Variants in C16orf96 observed in about 807,000 individuals in gnomAD.
C16orf96 encodes chromosome 16 open reading frame 96, also known as uncharacterized protein C16orf96.
A neutral mutation model predicts 103.6 loss-of-function variants in C16orf96; 108 were observed. That is an observed-to-expected ratio of 1.04 (90% CI 0.89 to 1.22). The LOEUF is 1.22. C16orf96 is among the 50% of genes most tolerant of loss of function. The probability of loss-of-function intolerance (pLI) is 0.00; values close to 1 mark genes in which losing one functional copy is unlikely to be tolerated. For synonymous variants in C16orf96, 566 were observed against 593.5 expected, an observed-to-expected ratio of 0.95 and a Z score of 0.67; for missense variants, 1,586 against 1,464.2, an observed-to-expected ratio of 1.08 and a Z score of -1.36.
At chr16:4,587,235 A>AAAGGG in intron 8 of C16orf96, 122 bp downstream of exon 8, 1 of 978,788 alleles carries the variant, frequency 1.0e-6, no homozygotes, top group Non-Finnish European at 1.5e-6. Context: ...TATTGAAACC[A>AAAGGG]GGAGTTGGCT....
intron 14 of C16orf96, among the ~76,000 whole-genome samples, chr16:4,597,174 C>T (rs1194630038): frequency 6.6e-6 from 1 of 152,164 alleles, no homozygotes; most frequent in Non-Finnish European, 1.5e-5. Context: ...GGCTTCTCCT[C>T]GAGAGGACTG....
chr16:4,574,802 AT>A lies in C16orf96; in HGVS notation c.606+14del, dbSNP rs2059480156. On this transcript the variant is annotated intron_variant, in intron 3 of 15. Coordinates refer to ENST00000444310, the MANE Select transcript of C16orf96 (RefSeq NM_001145011.2). ...GCAGCGGGAAGTGGTGAGGGCCACC[AT>A]CCCTGTCTTCCCCCACTCCCCCTGG... 9 of 1,550,884 alleles carry A rather than the reference AT, an allele frequency of 5.8e-6. No homozygotes were observed. The highest frequency in any genetic ancestry group is 7.8e-6 in the Non-Finnish European group (9 of 1,146,644).
chr16:4,584,957 C>T (rs1896885938), intron 7 of C16orf96, among the ~76,000 whole-genome samples: 1 of 152,156 alleles, frequency 6.6e-6, no homozygotes, highest in Non-Finnish European at 1.5e-5. Flanking sequence ...AGGCATTAGC[C>T]ACTGCGCCCA....
intron 14 of C16orf96, among the ~76,000 whole-genome samples, chr16:4,597,293 A>G (rs1897193452): frequency 6.6e-6 from 1 of 152,116 alleles, no homozygotes; most frequent in African/African-American, 2.4e-5. Flanking sequence ...ATGAACCCCG[A>G]CTTCGTGCCA....
intron 2 of C16orf96, among the ~76,000 whole-genome samples, chr16:4,573,235 C>T (rs1404774419): frequency 2.6e-5 from 4 of 151,724 alleles, no homozygotes; most frequent in Admixed American, 1.3e-4. Flanking sequence ...GTCAGGAGTT[C>T]GAGACCAGCC....
rs1361810252 is a variant in C16orf96 at position 4,576,285 on chromosome 16, C to T, written c.1805C>T (p.Thr602Ile). 100 of 1,550,652 alleles carry T rather than the reference C, an allele frequency of 6.4e-5. No homozygotes were observed. Among genetic ancestry groups the T allele is most frequent in the Non-Finnish European group, 4.6e-5 (53 of 1,147,006 alleles). ...AAKFVKDAPA[T>I]KMAAIATDTA... ...AAGTTTGTCAAGGATGCCCCAGCCACCAAAATGGCCGCCATTGCAACAGAC... is the reference window on the plus strand; with the variant it reads ...AAGTTTGTCAAGGATGCCCCAGCCATCAAAATGGCCGCCATTGCAACAGAC... Residue 602 changes from threonine (T) to isoleucine (I), a missense_variant, in exon 5 of 16, where the codon ACC becomes ATC. By Grantham distance (89) the Thr-to-Ile change is moderately conservative (BLOSUM62 -1). Transcript: ENST00000444310.
chr16:4,581,281 G>A (rs1175847214), intron 7 of C16orf96, among the ~76,000 whole-genome samples: 1 of 149,480 alleles, frequency 6.7e-6, no homozygotes, highest in Non-Finnish European at 1.5e-5. Flanking sequence ...GTTGCACTGA[G>A]CTGAGATTGC....
In C16orf96 at chr16:4,580,007, C is replaced by T; in HGVS notation, c.2242-8C>T. On this transcript the variant is annotated splice_region_variant and splice_polypyrimidine_tract_variant and intron_variant, in intron 6 of 15. Transcript: ENST00000444310. ...GAGGCCTGGGGTGTCTGTGTCTCCC[C>T]CTTTTAGGAGGAAGAACTTGAGAGA... 1.9e-6 allele frequency: 3 copies of T among 1,550,202 alleles called. No individual in the cohort carries two copies. The South Asian group carries it at 3.6e-5, about 18-fold the overall frequency.
chr16:4,579,109 C>T, intron 6 of C16orf96, 84 bp downstream of exon 6: 2 of 1,238,348 alleles, frequency 1.6e-6, no homozygotes, highest in Non-Finnish European at 1.2e-6. Flanking sequence ...GCCCCCCTCC[C>T]AGGTGCAGCT....
chr16:4,546,450 G>A, the C16orf96 span, among the ~76,000 whole-genome samples: 2 of 134,930 alleles, frequency 1.5e-5, no homozygotes, highest in Admixed American at 7.8e-5. Context: ...GAGCCACCGC[G>A]CCCGGACTTT....
At chr16:4,592,515 C>T (rs1228951155) in intron 11 of C16orf96, 148 bp downstream of exon 11, 21 of 915,758 alleles carry the variant, frequency 2.3e-5, no homozygotes, top group Non-Finnish European at 3.2e-5. Flanking sequence ...CAAGTCCATA[C>T]ACGCCCACAT....
chr16:4,592,556 C>T (rs551198016), intron 11 of C16orf96, among the ~76,000 whole-genome samples, 189 bp downstream of exon 11: 1 of 152,346 alleles, frequency 6.6e-6, no homozygotes, highest in Non-Finnish European at 1.5e-5. Flanking sequence ...GGTATCTACA[C>T]ATCCACATCC....
rs373247912 is a variant in C16orf96, at chr16:4,594,758, A to C, written c.3082A>C (p.Ser1028Arg). Residue 1028 changes from serine (S) to arginine (R), a missense_variant, in exon 14 of 16, where the codon AGC (serine) becomes CGC (arginine). Transcript: ENST00000444310. ...DGILYKGRVNSQRGAQPLAVA... is the reference protein window; with the variant it reads ...DGILYKGRVNRQRGAQPLAVA... ...GATCCTGTACAAAGGCCGCGTGAAC[A>C]GCCAGCGTGGGGCTCAGCCCTTGGC... The C allele has an allele frequency of 2.6e-6, 4 of 1,551,062 alleles. No individual in the cohort carries two copies. The highest frequency in any genetic ancestry group is 2.7e-5 in the African/African-American group (2 of 73,150).
chr16:4,585,986 G>A (rs911000480), intron 7 of C16orf96, among the ~76,000 whole-genome samples: 2 of 152,098 alleles, frequency 1.3e-5, no homozygotes, highest in South Asian at 4.1e-4. Flanking sequence ...GGAGCCAGGC[G>A]CGGTGGCTCA....
chr16:4,549,196 C>T, the C16orf96 span, among the ~76,000 whole-genome samples: 4 of 151,938 alleles, frequency 2.6e-5, no homozygotes, highest in Admixed American at 6.6e-5. Flanking sequence ...AACACCAGGC[C>T]GGGCGCGGTG....
intron 1 of C16orf96, among the ~76,000 whole-genome samples, chr16:4,564,170 A>T (rs1250880338): frequency 2.0e-5 from 3 of 151,966 alleles, no homozygotes; most frequent in African/African-American, 4.8e-5. Flanking sequence ...CTCCATCTTA[A>T]AAAAAAGAAG....
In C16orf96 at chr16:4,576,625, G is replaced by A. The variant is rs2059513875; in HGVS notation, c.2145G>A (p.Leu715=). 2 of 1,550,666 alleles carry A rather than the reference G, an allele frequency of 1.3e-6. No homozygotes were observed. Among genetic ancestry groups the A allele is most frequent in the African/African-American group, 1.4e-5 (1 of 73,184 alleles). Residue 715 remains leucine (L), a synonymous_variant, in exon 5 of 16, where the codon TTG becomes TTA. Transcript: ENST00000444310. Reference sequence around the variant, plus strand: ...TGTCCTGTAACCTGAACCAGCGCTTGAGTTATCTAGGTAGGCCTGGTCTGG... The same window carrying A: ...TGTCCTGTAACCTGAACCAGCGCTTAAGTTATCTAGGTAGGCCTGGTCTGG... ...AQLSCNLNQR[L]SYLANMGGPS...
intron 1 of C16orf96, among the ~76,000 whole-genome samples, chr16:4,567,280 CTTTTTTTTTT>C (rs71139642): frequency 1.6e-5 from 1 of 62,604 alleles, no homozygotes; most frequent in Non-Finnish European, 2.9e-5. Context: ...TATTTCTTTT[CTTTTTTTTTT>C]TTTTTTTTTT....
the C16orf96 span, among the ~76,000 whole-genome samples, chr16:4,543,935 C>G: frequency 2.6e-5 from 4 of 152,148 alleles, no homozygotes; most frequent in Non-Finnish European, 5.9e-5. Context: ...AGCCACCGCA[C>G]CCCGCCAGGA....
Sources: allele counts gnomAD v4.1 joint callset (sites outside exome capture counted in the v4.1 genomes callset), GRCh38; gene constraint gnomAD v4.1.1; transcripts MANE v1.5; gene names NCBI Gene and HGNC (gene_info 2026-07-23, HGNC 2026-07-21).